The following NCAM2 variants were observed in gnomAD, a reference collection of about 807,000 sequenced individuals.
NCAM2 encodes the protein N-CAM-2.
In NCAM2, 30 loss-of-function variants were observed where a neutral mutation model predicts 98.1. The ratio of observed to expected loss-of-function variants is 0.31; its 90% CI spans 0.23 to 0.41. The LOEUF (loss-of-function observed/expected upper bound fraction) is 0.41. Ranked by LOEUF, NCAM2 falls within the 10% of genes least tolerant of loss-of-function variation. The probability of loss-of-function intolerance (pLI) is 1.00; values close to 1 mark genes in which losing one functional copy is unlikely to be tolerated. For missense variants in NCAM2, 867 were observed against 1,005.8 expected (o/e 0.86, Z 1.87); for synonymous variants, 368 against 342.4 (o/e 1.07, Z -0.83).
At chr21:21,463,377 G>A (rs1223051139) in intron 12 of NCAM2, among the ~76,000 whole-genome samples, 2 of 152,078 alleles carry the variant, frequency 1.3e-5, no homozygotes, top group African/African-American at 4.8e-5. Flanking sequence ...CATAATAAGA[G>A]TTATTGTATC....
intron 1 of NCAM2, among the ~76,000 whole-genome samples, chr21:21,031,075 T>G (rs970967522): frequency 6.6e-6 from 1 of 152,180 alleles, no homozygotes. Flanking sequence ...ACTTTATTCT[T>G]TTTGAAAAAT....
chr21:21,370,638 C>T (rs1468569209), intron 8 of NCAM2, among the ~76,000 whole-genome samples: 1 of 151,806 alleles, frequency 6.6e-6, no homozygotes, highest in East Asian at 1.9e-4. Context: ...ATAGTTGCTA[C>T]TCAGGTGGTA....
At chr21:21,463,547 G>T (rs1432373608) in intron 12 of NCAM2, among the ~76,000 whole-genome samples, 21 of 152,006 alleles carry the variant, frequency 1.4e-4, no homozygotes, top group Non-Finnish European at 1.2e-4. Context: ...TTTAGCCCAG[G>T]ACTGTAATAA....
At chr21:21,222,183 A>T (rs1192100997) in intron 1 of NCAM2, among the ~76,000 whole-genome samples, 1 of 152,176 alleles carries the variant, frequency 6.6e-6, no homozygotes, top group Admixed American at 6.6e-5. Context: ...CTGATTATTA[A>T]TTGACAGTGA....
intron 1 of NCAM2, among the ~76,000 whole-genome samples, chr21:21,238,206 C>T (rs997253982): frequency 1.3e-5 from 2 of 152,100 alleles, no homozygotes; most frequent in Admixed American, 6.5e-5. Flanking sequence ...ATACGCCCAT[C>T]TCGGCCTCCC....
intron 1 of NCAM2, among the ~76,000 whole-genome samples, chr21:21,129,218 AC>A (rs1893795396): frequency 6.6e-6 from 1 of 152,146 alleles, no homozygotes; most frequent in African/African-American, 2.4e-5. Flanking sequence ...GTACAGACTT[AC>A]CTTTATCAAA....
intron 8 of NCAM2, among the ~76,000 whole-genome samples, chr21:21,359,131 G>C (rs1212640572): frequency 6.6e-6 from 1 of 151,914 alleles, no homozygotes; most frequent in East Asian, 1.9e-4. Flanking sequence ...TTTTTCAACA[G>C]AGATAATGGA....
chr21:21,436,654 G>T (rs1318812923), intron 12 of NCAM2, among the ~76,000 whole-genome samples: 2 of 152,086 alleles, frequency 1.3e-5, no homozygotes, highest in African/African-American at 4.8e-5. Context: ...CTGAAATTTG[G>T]TGGAGGTAGG....
intron 1 of NCAM2, among the ~76,000 whole-genome samples, chr21:21,116,809 C>T (rs1318315698): frequency 7.3e-5 from 11 of 151,390 alleles, no homozygotes; most frequent in East Asian, 1.9e-4. Context: ...GAGCCGAGAT[C>T]GTGCCACTGC....
chr21:21,174,101 G>A (rs190166201), intron 1 of NCAM2, among the ~76,000 whole-genome samples: 1 of 152,050 alleles, frequency 6.6e-6, no homozygotes, highest in Non-Finnish European at 1.5e-5. Flanking sequence ...TTGTATTTTA[G>A]TAGATACGAG....
intron 1 of NCAM2, among the ~76,000 whole-genome samples, chr21:21,230,702 C>T (rs181283735): frequency 1.7e-4 from 25 of 151,412 alleles, no homozygotes; most frequent in Admixed American, 1.6e-3. Context: ...AATCATGTTG[C>T]CCTCCAAAAT....
Position 21,151,110 on chromosome 21 carries a change from TA to T in NCAM2, c.56-129461del, listed in dbSNP as rs568588580. ...ATTTTCCAGTGTTATTTAAATCAAT[TA>T]AAAAAACACTTCTGTATCTGGCAAT... On this transcript the variant is annotated intron_variant, in intron 1 of 17. Transcript: ENST00000400546. 4.4e-3 allele frequency among the ~76,000 whole-genome samples: 666 copies of T among 152,054 alleles called. 7 individuals carry two copies. Among genetic ancestry groups the T allele is most frequent in the African/African-American group, 0.015 (636 of 41,524 alleles).
chr21:21,217,710 G>A (rs2069964116), intron 1 of NCAM2, among the ~76,000 whole-genome samples: 1 of 152,106 alleles, frequency 6.6e-6, no homozygotes, highest in South Asian at 2.1e-4. Flanking sequence ...TCACATCAGT[G>A]TTTACAAGCA....
intron 1 of NCAM2, among the ~76,000 whole-genome samples, chr21:21,011,471 A>G (rs1256868141): frequency 2.0e-5 from 3 of 152,040 alleles, no homozygotes; most frequent in African/African-American, 7.2e-5. Flanking sequence ...CAGCTGTATA[A>G]TACATATATT....
At chr21:21,291,375 C>T (rs2073285844) in intron 4 of NCAM2, among the ~76,000 whole-genome samples, 1 of 151,736 alleles carries the variant, frequency 6.6e-6, no homozygotes, top group Non-Finnish European at 1.5e-5. Flanking sequence ...AAAATAATGC[C>T]AGGCTGAGAT....
chr21:21,408,751 A>T (rs1356491124), intron 9 of NCAM2, among the ~76,000 whole-genome samples: 1 of 151,996 alleles, frequency 6.6e-6, no homozygotes, highest in Non-Finnish European at 1.5e-5. Context: ...TTACAAGGTT[A>T]TTAAAAATAT....
chr21:21,461,845 A>C (rs1490166268), intron 12 of NCAM2, among the ~76,000 whole-genome samples: 1 of 152,080 alleles, frequency 6.6e-6, no homozygotes. Context: ...TAAGCTTCTA[A>C]GGAAACTTAA....
intron 8 of NCAM2, among the ~76,000 whole-genome samples, chr21:21,354,211 C>T (rs1340314240): frequency 6.6e-6 from 1 of 152,108 alleles, no homozygotes; most frequent in East Asian, 1.9e-4. Flanking sequence ...TTATACTTCT[C>T]CTACGTAGTA....
At chr21:21,447,430 C>G (rs1291799098) in intron 12 of NCAM2, among the ~76,000 whole-genome samples, 2 of 152,016 alleles carry the variant, frequency 1.3e-5, no homozygotes, top group African/African-American at 4.8e-5. Flanking sequence ...AATGTAAAAC[C>G]CAAAACCATG....
Sources: gnomAD v4.1 joint callset for allele counts (sites outside exome capture counted in the v4.1 genomes callset) on GRCh38, gnomAD v4.1.1 for gene constraint, MANE v1.5 for transcripts, NCBI Gene and HGNC (gene_info 2026-07-23, HGNC 2026-07-21) for gene names.